Variants in COL24A1 observed in about 807,000 individuals in gnomAD.
COL24A1 encodes collagen type XXIV alpha 1 chain.
Under a neutral mutation model 253.9 loss-of-function variants are expected in COL24A1, and 224 were observed. That is an observed-to-expected ratio of 0.88 (90% CI 0.79 to 0.99). The LOEUF (loss-of-function observed/expected upper bound fraction) is 0.99, where lower values mean the gene tolerates loss of function less well. COL24A1 is among the 50% of genes least tolerant of loss of function. The probability of loss-of-function intolerance (pLI) is 0.00; values close to 1 mark genes in which losing one functional copy is unlikely to be tolerated. For synonymous variants in COL24A1, 685 were observed against 673.7 expected, an observed-to-expected ratio of 1.02 and a Z score of -0.26; for missense variants, 2,131 against 2,068.5, an observed-to-expected ratio of 1.03 and a Z score of -0.59.
Position 85,818,036 on chromosome 1 carries a change from G to C in COL24A1, c.3841C>G (p.Pro1281Ala). 1 of 1,613,288 alleles carries C rather than the reference G, an allele frequency of 6.2e-7. No homozygotes were observed. The highest frequency in any genetic ancestry group is 8.5e-7 in the Non-Finnish European group (1 of 1,179,384). Reference protein sequence around the residue: ...APGPSGKPGIPGLQGLLGPKG... With the variant: ...APGPSGKPGIAGLQGLLGPKG... ...GATGAAAGAGGCCTGTTACTTACAG[G>C]AATCCCAGGTTTCCCAGAAGGACCA... is the stretch of plus-strand genomic sequence containing the variant. Residue 1281 changes from proline (P) to alanine (A), a missense_variant and splice_region_variant, in exon 46 of 60, where the codon CCT becomes GCT. By Grantham distance (27) the Pro-to-Ala change is conservative. Transcript: ENST00000370571.
chr1:86,153,324 T>A (rs181471412), intron 1 of COL24A1, among the ~76,000 whole-genome samples: 21 of 150,592 alleles, frequency 1.4e-4, no homozygotes, highest in African/African-American at 4.9e-4. Context: ...GAGCAGCAAC[T>A]GTGGATCTGT....
chr1:85,873,701 G>C (rs768762880), intron 35 of COL24A1, among the ~76,000 whole-genome samples: 116 of 152,044 alleles, frequency 7.6e-4, no homozygotes, highest in Non-Finnish European at 1.5e-3. Context: ...GAGGGGGAAG[G>C]GATAGCATTA....
At chr1:86,118,950 G>A (rs1407172700) in intron 3 of COL24A1, among the ~76,000 whole-genome samples, 1 of 152,092 alleles carries the variant, frequency 6.6e-6, no homozygotes, top group East Asian at 1.9e-4. Flanking sequence ...AGGTAAGCAG[G>A]GGCCATATCA....
intron 32 of COL24A1, among the ~76,000 whole-genome samples, chr1:85,882,049 A>G (rs929016546): frequency 6.6e-6 from 1 of 152,194 alleles, no homozygotes; most frequent in Non-Finnish European, 1.5e-5. Context: ...ATATTTTTAA[A>G]TTATTCCTGA....
chr1:86,015,072 A>G (rs561482966), intron 19 of COL24A1, among the ~76,000 whole-genome samples: 1 of 152,356 alleles, frequency 6.6e-6, no homozygotes, highest in South Asian at 2.1e-4. Context: ...TACCAAATAT[A>G]CTATTTAAAA....
intron 37 of COL24A1, among the ~76,000 whole-genome samples, chr1:85,867,810 T>A (rs1274111968): frequency 6.6e-6 from 1 of 152,194 alleles, no homozygotes; most frequent in Non-Finnish European, 1.5e-5. Flanking sequence ...AGTGACACGA[T>A]CTTGGCTCAC....
intron 48 of COL24A1, among the ~76,000 whole-genome samples, chr1:85,784,925 C>G (rs141916658): frequency 1.3e-5 from 2 of 152,046 alleles, no homozygotes; most frequent in Non-Finnish European, 2.9e-5. Flanking sequence ...GAGACAGGAT[C>G]TCACTATGTT....
In COL24A1 at chr1:85,908,654, A is replaced by G. The variant is rs1685073923; in HGVS notation, c.2671-3T>C. 2.2e-6 allele frequency: 3 copies of G among 1,370,408 alleles called. No individual in the cohort carries two copies. The highest frequency in any genetic ancestry group is 1.5e-5 in the African/African-American group (1 of 66,892). The allele number at this position is 1,370,408 out of a possible 1,614,324, so 84.9% of individuals were successfully genotyped here. A position where few individuals can be genotyped will look rare whatever the true frequency, so the allele number is the denominator to read the frequency against. On this transcript the variant is annotated splice_region_variant and splice_polypyrimidine_tract_variant and intron_variant, in intron 26 of 59. Coordinates refer to ENST00000370571, the MANE Select transcript of COL24A1 (RefSeq NM_152890.7). ...ACCCCAGGAGGACCTGGATATCCCT[A>G]TAATTTAAGGAAAATATAAAAGAAG... is the stretch of plus-strand genomic sequence containing the variant.
chr1:85,798,028 A>T (rs1671012289), intron 47 of COL24A1, among the ~76,000 whole-genome samples: 2 of 152,016 alleles, frequency 1.3e-5, no homozygotes, highest in Admixed American at 1.3e-4. Context: ...TCTCATCTCT[A>T]CAAAAATAAA....
intron 32 of COL24A1, among the ~76,000 whole-genome samples, chr1:85,887,925 T>A (rs1230656499): frequency 2.0e-5 from 3 of 152,168 alleles, no homozygotes. Flanking sequence ...TTAACTTCAG[T>A]GTATTCCTCT....
At chr1:85,948,816 T>G (rs1429998514) in intron 24 of COL24A1, among the ~76,000 whole-genome samples, 1 of 151,404 alleles carries the variant, frequency 6.6e-6, no homozygotes, top group Non-Finnish European at 1.5e-5. Context: ...TGCAAGCACA[T>G]GTACCCTAGA....
chr1:85,898,469 A>G (rs1683975675), intron 28 of COL24A1, among the ~76,000 whole-genome samples: 1 of 152,096 alleles, frequency 6.6e-6, no homozygotes, highest in Non-Finnish European at 1.5e-5. Context: ...CGGCCCTACA[A>G]TTTCTAAGTC....
chr1:85,843,366 A>T (rs920960349), intron 39 of COL24A1, among the ~76,000 whole-genome samples: 3 of 152,214 alleles, frequency 2.0e-5, no homozygotes, highest in Admixed American at 6.6e-5. Context: ...ATTTTAAAAC[A>T]TCAATAAGAA....
chr1:85,924,791 TATTC>T (rs1686986795), intron 24 of COL24A1, among the ~76,000 whole-genome samples: 1 of 152,160 alleles, frequency 6.6e-6, no homozygotes, highest in African/African-American at 2.4e-5. Flanking sequence ...TCACCACTCT[TATTC>T]AGCATAGTGT....
chr1:85,926,663 G>A (rs981978761), intron 24 of COL24A1, among the ~76,000 whole-genome samples: 22 of 151,552 alleles, frequency 1.5e-4, no homozygotes, highest in Non-Finnish European at 2.6e-4. Flanking sequence ...ACGGGGGCCT[G>A]TCATGGGGTG....
chr1:86,068,789 C>T (rs1174193796), intron 7 of COL24A1, among the ~76,000 whole-genome samples: 1 of 152,028 alleles, frequency 6.6e-6, no homozygotes, highest in Non-Finnish European at 1.5e-5. Context: ...AGCTCAGCCA[C>T]AGTGTAATAG....
rs189014482 is a variant in COL24A1, at chr1:86,115,940, T to A, written c.1492-562A>T. ...AAGTCACTAATAGAGTTAAATGATTTATAAAATAAAGTATGAAAGCAAAAA... is the reference window on the plus strand; with the variant it reads ...AAGTCACTAATAGAGTTAAATGATTAATAAAATAAAGTATGAAAGCAAAAA... On this transcript the variant is annotated intron_variant, in intron 3 of 59. Transcript: ENST00000370571. Among the ~76,000 whole-genome samples the A allele has an allele frequency of 5.2e-3, 791 of 152,150 alleles. 14 individuals are homozygous for A. In the East Asian group the frequency reaches 0.065, roughly 13 times the overall value.
At chr1:85,792,905 A>G (rs1291213774) in intron 47 of COL24A1, among the ~76,000 whole-genome samples, 1 of 152,074 alleles carries the variant, frequency 6.6e-6, no homozygotes, top group Non-Finnish European at 1.5e-5. Flanking sequence ...AGTGAGAAGA[A>G]ACTGGATCAT....
At chr1:86,063,247 G>A (rs192294140) in intron 8 of COL24A1, among the ~76,000 whole-genome samples, 17 of 152,032 alleles carry the variant, frequency 1.1e-4, no homozygotes, top group African/African-American at 3.9e-4. Flanking sequence ...GACTGTTATT[G>A]AAATTTATTT....
Sources: allele counts gnomAD v4.1 joint callset (sites outside exome capture counted in the v4.1 genomes callset), GRCh38; gene constraint gnomAD v4.1.1; transcripts MANE v1.5; gene names NCBI Gene and HGNC (gene_info 2026-07-23, HGNC 2026-07-21).